The following NUMB variants were observed in gnomAD, a reference collection of about 807,000 sequenced individuals.
NUMB encodes the protein NUMB endocytic adaptor protein, also known as protein numb homolog.
A neutral mutation model predicts 59.7 loss-of-function variants in NUMB; 29 were observed. The observed-to-expected ratio is 0.49, with a 90% CI of 0.36 to 0.66. The LOEUF is 0.66. NUMB is among the 30% of genes least tolerant of loss of function. The pLI, the probability that NUMB is intolerant of heterozygous loss-of-function variation, is 0.00. For synonymous variants in NUMB, 288 were observed against 288.2 expected (o/e 1.00, Z 0.01); for missense variants, 723 against 822.0 (o/e 0.88, Z 1.47).
At chr14:73,313,944 G>A (rs1890933982) in intron 6 of NUMB, among the ~76,000 whole-genome samples, 1 of 151,914 alleles carries the variant, frequency 6.6e-6, no homozygotes, top group South Asian at 2.1e-4. Flanking sequence ...AGTAGTAGCT[G>A]GGATTACAGG....
intron 8 of NUMB, among the ~76,000 whole-genome samples, chr14:73,291,832 C>T (rs188358575): frequency 9.2e-4 from 140 of 151,762 alleles, no homozygotes; most frequent in Non-Finnish European, 1.7e-3. Context: ...TACAGGCATG[C>T]ACCACCACGC....
intron 1 of NUMB, among the ~76,000 whole-genome samples, chr14:73,414,649 T>C (rs763109423): frequency 2.0e-5 from 3 of 152,058 alleles, no homozygotes; most frequent in Non-Finnish European, 2.9e-5. Context: ...AGCCTCCCAA[T>C]TTGCTGGGAT....
At position 73,419,836 on chromosome 14, in the gene NUMB, T is replaced by TAA. The variant is rs1419435983; in HGVS notation, c.-232-9769_-232-9768insTT. 4.6e-5 allele frequency among the ~76,000 whole-genome samples: 7 copies of TAA among 152,320 alleles called. No individual in the cohort carries two copies. In the East Asian group the frequency reaches 1.2e-3, roughly 25 times the overall value. On this transcript the variant is annotated intron_variant, in intron 1 of 12. Transcript: ENST00000555238. ...TCACTCCATCAAGGAATGGGAGTAC[T>TAA]TAAGGGATGAATCCAAACTTAGTCC...
chr14:73,388,739 G>T (rs1895678695), intron 2 of NUMB, among the ~76,000 whole-genome samples: 1 of 152,060 alleles, frequency 6.6e-6, no homozygotes, highest in Admixed American at 6.5e-5. Flanking sequence ...GAGGCGGGCG[G>T]ATCACTTGAG....
chr14:73,383,669 C>A (rs148819390), intron 2 of NUMB, among the ~76,000 whole-genome samples: 2 of 152,060 alleles, frequency 1.3e-5, no homozygotes, highest in African/African-American at 4.8e-5. Context: ...AAGAAAACCA[C>A]GTAAGCATCT....
chr14:73,391,359 ATTT>A, intron 2 of NUMB, among the ~76,000 whole-genome samples: 1 of 151,784 alleles, frequency 6.6e-6, no homozygotes, highest in Non-Finnish European at 1.5e-5. Flanking sequence ...TCTTGCAAAA[ATTT>A]AAATTTTAAA....
chr14:73,324,322 T>C (rs996271904), intron 4 of NUMB, among the ~76,000 whole-genome samples: 5 of 152,224 alleles, frequency 3.3e-5, no homozygotes, highest in African/African-American at 1.2e-4. Flanking sequence ...TTCCTTTCTG[T>C]AGCTCAGGAT....
At chr14:73,440,198 TATATATATATGGATATCC>T (rs1380530383) in intron 1 of NUMB, among the ~76,000 whole-genome samples, 5 of 34,708 alleles carry the variant, frequency 1.4e-4, no homozygotes, top group South Asian at 7.3e-4. Flanking sequence ...TAGATATCCA[TATATATATATGGATATCC>T]ATATATATAT....
At chr14:73,419,601 TA>T (rs1454544984) in intron 1 of NUMB, among the ~76,000 whole-genome samples, 1 of 152,138 alleles carries the variant, frequency 6.6e-6, no homozygotes, top group Non-Finnish European at 1.5e-5. Flanking sequence ...AACTGAAGAA[TA>T]AACTATTGAA....
intron 1 of NUMB, among the ~76,000 whole-genome samples, chr14:73,415,517 T>A (rs1897089856): frequency 6.6e-6 from 1 of 151,472 alleles, no homozygotes; most frequent in Non-Finnish European, 1.5e-5. Context: ...TCTTTTTTTT[T>A]TTTTTTTGAG....
intron 1 of NUMB, among the ~76,000 whole-genome samples, chr14:73,436,897 T>C (rs1898077866): frequency 6.6e-6 from 1 of 151,402 alleles, no homozygotes; most frequent in Non-Finnish European, 1.5e-5. Flanking sequence ...GAGAATCGCT[T>C]GAACCCAGGA....
At chr14:73,446,709 G>A (rs1428296384) in intron 1 of NUMB, among the ~76,000 whole-genome samples, 1 of 151,722 alleles carries the variant, frequency 6.6e-6, no homozygotes, top group African/African-American at 2.4e-5. Context: ...ATCACTTGAG[G>A]CTAGCAGCTC....
In NUMB at chr14:73,352,449, C is replaced by CACAT. The variant is rs1566755819; in HGVS notation, c.126+3176_126+3177insATGT. Among the ~76,000 whole-genome samples the CACAT allele has an allele frequency of 1.9e-3, 87 of 45,366 alleles. 8 individuals are homozygous for CACAT. Among genetic ancestry groups the CACAT allele is most frequent in the African/African-American group, 0.01 (84 of 8,382 alleles). 29.8% of individuals were successfully genotyped at this position (45,366 alleles called of 152,430 possible). On this transcript the variant is annotated intron_variant, in intron 4 of 12. Transcript: ENST00000555238. ...ATATATATATACACACACACACACA[C>CACAT]ACACACACATACACACACACACACA...
At chr14:73,366,652 T>C (rs1052845112) in intron 3 of NUMB, among the ~76,000 whole-genome samples, 1 of 152,194 alleles carries the variant, frequency 6.6e-6, no homozygotes, top group Non-Finnish European at 1.5e-5. Context: ...GGCTAAAGGA[T>C]TCATACCCAA....
At chr14:73,375,092 G>T (rs1894885927) in intron 2 of NUMB, among the ~76,000 whole-genome samples, 1 of 152,038 alleles carries the variant, frequency 6.6e-6, no homozygotes, top group Admixed American at 6.6e-5. Flanking sequence ...TTGTCAGCCT[G>T]GCCTATATTA....
At chr14:73,319,575 C>A (rs114017731) in intron 5 of NUMB, among the ~76,000 whole-genome samples, 3,044 of 152,044 alleles carry the variant, frequency 0.02, 101 homozygotes, top group African/African-American at 0.069. Context: ...ATAAAAAAAA[C>A]AAACAAAAAG....
intron 4 of NUMB, among the ~76,000 whole-genome samples, chr14:73,338,682 T>C (rs1892478597): frequency 6.6e-6 from 1 of 152,208 alleles, no homozygotes; most frequent in Admixed American, 6.5e-5. Flanking sequence ...CACCAGTAGT[T>C]TGTCAATGGG....
intron 3 of NUMB, among the ~76,000 whole-genome samples, chr14:73,361,765 T>G (rs1894107279): frequency 1.3e-5 from 2 of 152,162 alleles, no homozygotes; most frequent in Admixed American, 1.3e-4. Context: ...GGAAATTTTT[T>G]TATTTTAAAA....
At chr14:73,286,962 GTTT>G (rs1272879428) in intron 9 of NUMB, 145 bp downstream of exon 9, 2 of 745,070 alleles carry the variant, frequency 2.7e-6, no homozygotes, top group Non-Finnish European at 2.3e-6. Context: ...AAAGGAAGCG[GTTT>G]TTAAGATTTT....
Sources: allele counts gnomAD v4.1 joint callset (sites outside exome capture counted in the v4.1 genomes callset), GRCh38; gene constraint gnomAD v4.1.1; transcripts MANE v1.5; gene names NCBI Gene and HGNC (gene_info 2026-07-23, HGNC 2026-07-21).